The following ARHGAP35 variants were observed in gnomAD, a reference collection of about 807,000 sequenced individuals.
The protein encoded by ARHGAP35 is Rho GTPase activating protein 35.
In ARHGAP35, 15 loss-of-function variants were observed where a neutral mutation model predicts 111.1. That is an observed-to-expected ratio of 0.13 (90% CI 0.09 to 0.21). ARHGAP35 has a LOEUF of 0.21. Among genes scored for constraint, ARHGAP35 ranks in the 10% least tolerant of loss-of-function variants. ARHGAP35 has a pLI of 1.00. For synonymous variants in ARHGAP35, 643 were observed against 710.3 expected (o/e 0.91, Z 1.51); for missense variants, 1,262 against 1,873.0 (o/e 0.67, Z 6.02).
intron 5 of ARHGAP35, among the ~76,000 whole-genome samples, chr19:46,997,235 T>C (rs563827476): frequency 6.6e-6 from 1 of 152,312 alleles, no homozygotes; most frequent in Non-Finnish European, 1.5e-5. Context: ...AAGCTGCTCA[T>C]AGCCCAATAA....
chr19:46,939,085 A>T (rs2058329056), intron 3 of ARHGAP35, among the ~76,000 whole-genome samples: 1 of 151,984 alleles, frequency 6.6e-6, no homozygotes, highest in Non-Finnish European at 1.5e-5. Context: ...ATCATTACAG[A>T]TCTATAGCTT....
chr19:46,941,951 G>A (rs150518833), intron 3 of ARHGAP35, among the ~76,000 whole-genome samples: 4 of 143,700 alleles, frequency 2.8e-5, no homozygotes, highest in African/African-American at 5.1e-5. Context: ...TTCCATTTTC[G>A]TCTTTCTTCA....
At position 46,972,416 on chromosome 19, in the gene ARHGAP35, C is replaced by T. The variant is rs1234278814; in HGVS notation, c.3827-15573C>T. Reference sequence around the variant, plus strand: ...GGGACACAGCAGGACAAAAGGCCAACTATTTCTTGAGCTGATTTCCTACAG... The same window carrying T: ...GGGACACAGCAGGACAAAAGGCCAATTATTTCTTGAGCTGATTTCCTACAG... On this transcript the variant is annotated intron_variant, in intron 3 of 6. Coordinates refer to ENST00000672722, the MANE Select transcript of ARHGAP35 (RefSeq NM_004491.5). Among the ~76,000 whole-genome samples the T allele has an allele frequency of 2.6e-5, 4 of 152,234 alleles. No individual in the cohort carries two copies. In the East Asian group the frequency reaches 7.7e-4, roughly 29 times the overall value.
intron 3 of ARHGAP35, among the ~76,000 whole-genome samples, chr19:46,967,376 C>T (rs1380771721): frequency 6.6e-6 from 1 of 152,134 alleles, no homozygotes; most frequent in African/African-American, 2.4e-5. Flanking sequence ...GGGGGTCTCT[C>T]CCTTGTTACC....
intron 3 of ARHGAP35, among the ~76,000 whole-genome samples, chr19:46,979,641 C>T (rs1443745950): frequency 1.3e-5 from 2 of 152,188 alleles, no homozygotes; most frequent in Non-Finnish European, 2.9e-5. Context: ...AGACCTGGTG[C>T]GATGTTGCAC....
chr19:46,907,765 C>T (rs1487032147), intron 1 of ARHGAP35, among the ~76,000 whole-genome samples: 2 of 152,162 alleles, frequency 1.3e-5, no homozygotes, highest in South Asian at 2.1e-4. Context: ...GTGTGAGCCA[C>T]CGGCCCTTTT....
intron 3 of ARHGAP35, among the ~76,000 whole-genome samples, chr19:46,954,735 A>G (rs1369427786): frequency 6.6e-6 from 1 of 152,206 alleles, no homozygotes; most frequent in Non-Finnish European, 1.5e-5. Context: ...AACTCACACA[A>G]TTTATCTTTT....
Position 46,917,501 on chromosome 19 carries a change from G to A in ARHGAP35, c.-188-987G>A, listed in dbSNP as rs779652037. On this transcript the variant is annotated intron_variant, in intron 1 of 6. Coordinates refer to ENST00000672722, the MANE Select transcript of ARHGAP35 (RefSeq NM_004491.5). ...CGCATGCCTGTAATCCCAGCTACTC[G>A]GGAGGCTGAGGAAGGAGAATCACTT... 1.1e-3 allele frequency among the ~76,000 whole-genome samples: 171 copies of A among 152,066 alleles called. 1 individual carries two copies. The highest frequency in any genetic ancestry group is 2.0e-3 in the Non-Finnish European group (136 of 67,966).
rs1211640478 is a variant in ARHGAP35, at chr19:46,994,246, G to A, written c.4036+4571G>A. On this transcript the variant is annotated intron_variant, in intron 5 of 6. Coordinates refer to ENST00000672722, the MANE Select transcript of ARHGAP35 (RefSeq NM_004491.5). This position sits in a 1 kb window ranked among gnomAD's most constrained non-coding sequence, Gnocchi z 5.4. ...GCCCATTGCCCCTGCTGTTTCTTTG[G>A]CCAGTGTAGACACCTGGCCGGGCGG... Among the ~76,000 whole-genome samples the A allele has an allele frequency of 1.3e-5, 2 of 152,140 alleles. No individual in the cohort carries two copies. Among genetic ancestry groups the A allele is most frequent in the Non-Finnish European group, 2.9e-5 (2 of 68,028 alleles).
chr19:46,998,396 C>A (rs1013844637), intron 5 of ARHGAP35, among the ~76,000 whole-genome samples: 1 of 152,196 alleles, frequency 6.6e-6, no homozygotes, highest in Non-Finnish European at 1.5e-5. Flanking sequence ...GGGCATCTTT[C>A]CCTGCACAGA....
chr19:46,912,089 G>T (rs2122182734), intron 1 of ARHGAP35, among the ~76,000 whole-genome samples: 1 of 151,150 alleles, frequency 6.6e-6, no homozygotes, highest in African/African-American at 2.4e-5. Flanking sequence ...TGTTGCCCAG[G>T]CTGGAGTGCA....
At chr19:46,952,737 G>A (rs1424290158) in intron 3 of ARHGAP35, among the ~76,000 whole-genome samples, 4 of 152,328 alleles carry the variant, frequency 2.6e-5, no homozygotes, top group Admixed American at 1.3e-4. Flanking sequence ...GCAGTGGTGC[G>A]ATCTCAGCTC....
chr19:46,977,944 G>A (rs1397586659), intron 3 of ARHGAP35, among the ~76,000 whole-genome samples: 4 of 152,222 alleles, frequency 2.6e-5, no homozygotes, highest in African/African-American at 9.6e-5. Flanking sequence ...GTAAGCAATT[G>A]TTGGGATCCT....
At chr19:46,862,505 G>A (rs996409784) in intron 1 of ARHGAP35, among the ~76,000 whole-genome samples, 1 of 151,406 alleles carries the variant, frequency 6.6e-6, no homozygotes, top group African/African-American at 2.4e-5. Flanking sequence ...GATACCTCCC[G>A]GGCTGGTCAC....
intron 1 of ARHGAP35, among the ~76,000 whole-genome samples, chr19:46,912,529 A>T (rs2056142852): frequency 6.7e-6 from 1 of 149,712 alleles, no homozygotes. Flanking sequence ...AATTTTTTGT[A>T]TTTTTTTTAG....
At chr19:46,962,876 G>C (rs776134940) in intron 3 of ARHGAP35, among the ~76,000 whole-genome samples, 52 of 152,168 alleles carry the variant, frequency 3.4e-4, no homozygotes, top group Non-Finnish European at 5.9e-4. Context: ...TGGCCAAAGT[G>C]CTGGGATCGC....
intron 1 of ARHGAP35, among the ~76,000 whole-genome samples, chr19:46,890,811 T>C (rs1002196556): frequency 1.3e-5 from 2 of 152,256 alleles, no homozygotes; most frequent in Non-Finnish European, 2.9e-5. Flanking sequence ...TCTATTTCTC[T>C]ACTTTTCTGT....
At chr19:46,966,128 A>G (rs1298490004) in intron 3 of ARHGAP35, among the ~76,000 whole-genome samples, 1 of 152,124 alleles carries the variant, frequency 6.6e-6, no homozygotes, top group Non-Finnish European at 1.5e-5. Flanking sequence ...GATATTTTCT[A>G]TTGGATCTTT....
At chr19:46,897,529 C>T (rs2056063846) in intron 1 of ARHGAP35, among the ~76,000 whole-genome samples, 1 of 150,536 alleles carries the variant, frequency 6.6e-6, no homozygotes, top group Admixed American at 6.6e-5. Context: ...TTAGTTAAGA[C>T]TTAGAGATTT....
Sources: allele counts gnomAD v4.1 joint callset (sites outside exome capture counted in the v4.1 genomes callset), GRCh38; gene constraint gnomAD v4.1.1; non-coding constraint Gnocchi (gnomAD v3.1); transcripts MANE v1.5; gene names NCBI Gene and HGNC (gene_info 2026-07-23, HGNC 2026-07-21).